GC: variants seen among roughly 807,000 people sequenced by gnomAD.
GC encodes the protein vitamin D-binding protein.
Under a neutral mutation model 56.7 loss-of-function variants are expected in GC, and 43 were observed. The ratio of observed to expected loss-of-function variants is 0.76; its 90% confidence interval spans 0.59 to 0.98. The LOEUF (loss-of-function observed/expected upper bound fraction) is 0.98. Among genes scored for constraint, GC ranks in the 50% least tolerant of loss-of-function variants. The probability of loss-of-function intolerance (pLI) is 0.00; values close to 1 mark genes in which losing one functional copy is unlikely to be tolerated. For missense variants in GC, 529 were observed against 545.9 expected (o/e 0.97, Z 0.31); for synonymous variants, 216 against 202.7 (o/e 1.07, Z -0.56).
At chr4:71,749,999 A>G (rs1276459435) in intron 11 of GC, among the ~76,000 whole-genome samples, 4 of 152,172 alleles carry the variant, frequency 2.6e-5, no homozygotes, top group Non-Finnish European at 4.4e-5. Context: ...CCATTTGTCA[A>G]ACTAAGACTT....
intron 12 of GC, among the ~76,000 whole-genome samples, chr4:71,743,315 T>G (rs943063421): frequency 3.3e-5 from 5 of 152,166 alleles, no homozygotes; most frequent in Non-Finnish European, 5.9e-5. Flanking sequence ...CTTAATGGTT[T>G]TAGGAACTGC....
chr4:71,742,711 A>G (rs1294707984), intron 12 of GC, among the ~76,000 whole-genome samples: 2 of 152,250 alleles, frequency 1.3e-5, no homozygotes, highest in African/African-American at 4.8e-5. Flanking sequence ...ATGGTGGCTC[A>G]CGCCTGTAAT....
intron 1 of GC, among the ~76,000 whole-genome samples, chr4:71,777,368 G>A (rs993911769): frequency 1.3e-5 from 2 of 151,322 alleles, no homozygotes; most frequent in Non-Finnish European, 3.0e-5. Flanking sequence ...GTCTTAGTAA[G>A]GCTAAAGAGA....
At chr4:71,779,387 A>G (rs947840989) in intron 1 of GC, among the ~76,000 whole-genome samples, 2 of 151,806 alleles carry the variant, frequency 1.3e-5, no homozygotes, top group African/African-American at 4.8e-5. Flanking sequence ...CCCCTCTATA[A>G]ATGGACTTGG....
upstream of GC, chr4:71,784,167 T>C: frequency 7.5e-7 from 1 of 1,327,436 alleles, no homozygotes; most frequent in Non-Finnish European, 9.7e-7. Context: ...AGAATTATTA[T>C]TAAACACAGA....
intron 1 of GC, among the ~76,000 whole-genome samples, chr4:71,799,528 T>C (rs1743197644): frequency 6.6e-6 from 1 of 152,194 alleles, no homozygotes; most frequent in South Asian, 2.1e-4. Flanking sequence ...TTGCTCTTGC[T>C]TTGGCAGGAG....
In GC at chr4:71,769,361, G is replaced by A. The variant is rs2149302170; in HGVS notation, c.98C>T (p.Ser33Phe). ...YEKNKVCKEF[S>F]HLGKEDFTSL... is the part of the protein sequence containing the mutation. ...TGTGAAGTCCTCCTTTCCCAGATGGGAGAATTCCTTGCAGACTTTATTCTT... is the reference window on the plus strand; with the variant it reads ...TGTGAAGTCCTCCTTTCCCAGATGGAAGAATTCCTTGCAGACTTTATTCTT... The change falls in exon 2 of 13, where the codon TCC becomes TTC. Residue 33 changes from serine to phenylalanine, a missense_variant. Ser to Phe is a radical substitution (Grantham distance 155). Coordinates refer to ENST00000273951, the MANE Select transcript of GC (RefSeq NM_000583.4). 2 of 1,613,018 alleles carry A rather than the reference G, an allele frequency of 1.2e-6. No homozygotes were observed. Among genetic ancestry groups the A allele is most frequent in the South Asian group, 1.1e-5 (1 of 91,024 alleles).
intron 1 of GC, 29 bp downstream of exon 1, chr4:71,783,932 G>A (rs1281780515): frequency 6.5e-7 from 1 of 1,536,144 alleles, no homozygotes; most frequent in East Asian, 2.3e-5. Flanking sequence ...AAGAATTCCT[G>A]TAAATGGTCA....
At chr4:71,775,246 C>T (rs1339539193) in intron 1 of GC, among the ~76,000 whole-genome samples, 1 of 151,868 alleles carries the variant, frequency 6.6e-6, no homozygotes, top group Non-Finnish European at 1.5e-5. Flanking sequence ...CATGAAGGTT[C>T]TTTCAGGGCA....
At chr4:71,782,233 C>T (rs1742704563) in intron 1 of GC, among the ~76,000 whole-genome samples, 1 of 151,760 alleles carries the variant, frequency 6.6e-6, no homozygotes, top group African/African-American at 2.4e-5. Flanking sequence ...ACCAATCCCC[C>T]ACAATACAAG....
intron 1 of GC, among the ~76,000 whole-genome samples, chr4:71,802,383 G>A (rs572653203): frequency 8.5e-5 from 13 of 152,190 alleles, no homozygotes; most frequent in South Asian, 8.3e-4. Context: ...AGATATGTCC[G>A]AACTGATTAG....
At chr4:71,779,907 A>C (rs2149305668) in intron 1 of GC, among the ~76,000 whole-genome samples, 1 of 151,992 alleles carries the variant, frequency 6.6e-6, no homozygotes, top group South Asian at 2.1e-4. Context: ...ACCAACCCAA[A>C]GGGAACTTTC....
chr4:71,757,493 GGT>G (rs1430536693), intron 7 of GC, among the ~76,000 whole-genome samples: 2 of 143,224 alleles, frequency 1.4e-5, no homozygotes, highest in Non-Finnish European at 3.0e-5. Context: ...AATGAAAAAT[GGT>G]AAAAAAAATT....
intron 12 of GC, among the ~76,000 whole-genome samples, chr4:71,743,652 A>G (rs911504862): frequency 1.3e-5 from 2 of 152,364 alleles, no homozygotes; most frequent in Non-Finnish European, 2.9e-5. Flanking sequence ...GATAAGTGGT[A>G]AAGTTGTGGT....
chr4:71,762,677 T>C (rs1413828657), intron 6 of GC, among the ~76,000 whole-genome samples: 1 of 152,184 alleles, frequency 6.6e-6, no homozygotes, highest in Admixed American at 6.5e-5. Context: ...GGGTCTTTCC[T>C]GTGCTGTTCT....
intron 12 of GC, 149 bp from the exon 13 acceptor site, chr4:71,742,019 A>G (rs925858760): frequency 4.7e-6 from 3 of 640,206 alleles, no homozygotes; most frequent in African/African-American, 3.6e-5. Context: ...TATATCCACT[A>G]TGGCCCATCT....
chr4:71,777,045 A>G (rs181133564), intron 1 of GC, among the ~76,000 whole-genome samples: 13 of 152,038 alleles, frequency 8.6e-5, no homozygotes, highest in Admixed American at 3.9e-4. Flanking sequence ...GAAAATTTCT[A>G]TTTCAAAGAT....
In GC at chr4:71,755,031, T is replaced by G. The variant is rs1340814807; in HGVS notation, c.1111A>C (p.Ser371Arg). Residue 371 changes from serine to arginine, a missense_variant, in exon 9 of 13, where the codon AGC (serine) becomes CGC (arginine). Ser to Arg is a moderately radical substitution (Grantham distance 110). Transcript: ENST00000273951. ...LSKVLEPTLK[S>R]LGECCDVEDS... Reference sequence around the variant, plus strand: ...TCAACATCACAGCATTCACCAAGGCTTTTTAGGGTTGGCTCAAGTACCTTA... The same window carrying G: ...TCAACATCACAGCATTCACCAAGGCGTTTTAGGGTTGGCTCAAGTACCTTA... The G allele has an allele frequency of 6.3e-7, 1 of 1,599,560 alleles. No homozygotes were observed. The highest frequency in any genetic ancestry group is 8.5e-7 in the Non-Finnish European group (1 of 1,172,328).
At chr4:71,799,785 GGT>G (rs1743205867) in intron 1 of GC, among the ~76,000 whole-genome samples, 1 of 152,196 alleles carries the variant, frequency 6.6e-6, no homozygotes, top group Admixed American at 6.5e-5. Context: ...TGAAGGTTGT[GGT>G]GAAAGGCAAC....
Sources: allele counts gnomAD v4.1 joint callset (sites outside exome capture counted in the v4.1 genomes callset), GRCh38; gene constraint gnomAD v4.1.1; transcripts MANE v1.5; gene names NCBI Gene and HGNC (gene_info 2026-07-23, HGNC 2026-07-21).